The following PLCXD3 variants were observed in gnomAD, a reference collection of about 807,000 sequenced individuals.
The protein encoded by PLCXD3 is phosphatidylinositol specific phospholipase C X domain containing 3.
PLCXD3 carries 19 observed loss-of-function variants against 25.5 expected under a neutral mutation model. That is an observed-to-expected ratio of 0.75 (90% CI 0.52 to 1.09). The LOEUF (loss-of-function observed/expected upper bound fraction) is 1.09, where lower values mean the gene tolerates loss of function less well. PLCXD3 is among the 50% of genes least tolerant of loss of function. The pLI, the probability that PLCXD3 is intolerant of heterozygous loss-of-function variation, is 0.00. For missense variants in PLCXD3, 411 were observed against 388.1 expected (o/e 1.06, Z -0.50); for synonymous variants, 174 against 137.6 (o/e 1.26, Z -1.85).
In PLCXD3 at chr5:41,390,745, A is replaced by G. The variant is rs531798777; in HGVS notation, c.104-8211T>C. Among the ~76,000 whole-genome samples the G allele has an allele frequency of 2.0e-4, 30 of 152,290 alleles. No individual in the cohort carries two copies. In the South Asian group the frequency reaches 6.2e-3, roughly 32 times the overall value. On this transcript the variant is annotated intron_variant, in intron 1 of 2. Coordinates refer to ENST00000377801, the MANE Select transcript of PLCXD3 (RefSeq NM_001005473.3). ...GAAAAAAAAACAAAAACACCTTCAT[A>G]AGGAACAAAAATCAGATGACCACTC...
chr5:41,492,988 T>A (rs1188945684), intron 1 of PLCXD3, among the ~76,000 whole-genome samples: 1 of 152,244 alleles, frequency 6.6e-6, no homozygotes, highest in Non-Finnish European at 1.5e-5. Flanking sequence ...TGCGTTCCTT[T>A]GGAGGAGGAG....
intron 1 of PLCXD3, among the ~76,000 whole-genome samples, chr5:41,455,794 G>A (rs1747739230): frequency 2.0e-5 from 3 of 151,858 alleles, no homozygotes; most frequent in Admixed American, 2.0e-4. Flanking sequence ...AAGGCTTTAG[G>A]ATCATTATCA....
chr5:41,440,257 G>T (rs940367382), intron 1 of PLCXD3, among the ~76,000 whole-genome samples: 1 of 52,468 alleles, frequency 1.9e-5, no homozygotes. Flanking sequence ...TTTTTAGTCA[G>T]AGTCTCACTG....
intron 2 of PLCXD3, among the ~76,000 whole-genome samples, chr5:41,339,841 C>T (rs762159666): frequency 6.6e-6 from 1 of 152,068 alleles, no homozygotes; most frequent in East Asian, 1.9e-4. Context: ...TAAAATGCTT[C>T]CTCATAATAG....
intron 1 of PLCXD3, among the ~76,000 whole-genome samples, chr5:41,453,718 T>C (rs549183939): frequency 6.6e-6 from 1 of 152,120 alleles, no homozygotes; most frequent in African/African-American, 2.4e-5. Flanking sequence ...TTTATAAGCT[T>C]TCTCTGCCTA....
intron 1 of PLCXD3, among the ~76,000 whole-genome samples, chr5:41,395,653 G>A (rs111880156): frequency 0.043 from 6,592 of 152,066 alleles, 186 homozygotes; most frequent in Non-Finnish European, 0.061. Flanking sequence ...AAATTCAAAG[G>A]CTCATTAGCA....
chr5:41,415,291 G>T (rs1746667626), intron 1 of PLCXD3, among the ~76,000 whole-genome samples: 1 of 152,164 alleles, frequency 6.6e-6, no homozygotes, highest in South Asian at 2.1e-4. Flanking sequence ...AGACCTCCCA[G>T]AAGTTTTGTA....
At chr5:41,437,330 G>T (rs1041512749) in intron 1 of PLCXD3, among the ~76,000 whole-genome samples, 1 of 152,214 alleles carries the variant, frequency 6.6e-6, no homozygotes. Context: ...ATTCAAATAC[G>T]TGGTGATAGA....
intron 2 of PLCXD3, among the ~76,000 whole-genome samples, chr5:41,369,298 C>T (rs1179663428): frequency 6.6e-6 from 1 of 152,160 alleles, no homozygotes; most frequent in Non-Finnish European, 1.5e-5. Context: ...CATATGCTGT[C>T]TGTTAACAGA....
At chr5:41,436,258 G>A (rs1363826308) in intron 1 of PLCXD3, among the ~76,000 whole-genome samples, 1 of 151,784 alleles carries the variant, frequency 6.6e-6, no homozygotes, top group South Asian at 2.1e-4. Flanking sequence ...ATGTATCACT[G>A]AATGCCATCC....
At chr5:41,367,988 C>T (rs1744985739) in intron 2 of PLCXD3, among the ~76,000 whole-genome samples, 1 of 152,008 alleles carries the variant, frequency 6.6e-6, no homozygotes, top group Non-Finnish European at 1.5e-5. Flanking sequence ...TATTCTGTTC[C>T]ATTTTTCTAT....
chr5:41,424,217 T>TA (rs1746895232), intron 1 of PLCXD3, among the ~76,000 whole-genome samples: 1 of 152,190 alleles, frequency 6.6e-6, no homozygotes, highest in African/African-American at 2.4e-5. Flanking sequence ...TATTACTTTA[T>TA]ATATTTTTCT....
At chr5:41,401,524 T>C (rs1746185610) in intron 1 of PLCXD3, among the ~76,000 whole-genome samples, 2 of 152,096 alleles carry the variant, frequency 1.3e-5, no homozygotes, top group African/African-American at 2.4e-5. Context: ...GGCCTAGCTC[T>C]GGAATATCTA....
At chr5:41,314,575 C>T (rs1743233114) in intron 2 of PLCXD3, among the ~76,000 whole-genome samples, 1 of 152,018 alleles carries the variant, frequency 6.6e-6, no homozygotes, top group African/African-American at 2.4e-5. Flanking sequence ...TAATAGGCCT[C>T]AGTGATAAAG....
chr5:41,447,215 C>A (rs1207348230), intron 1 of PLCXD3, among the ~76,000 whole-genome samples: 4 of 152,142 alleles, frequency 2.6e-5, no homozygotes, highest in African/African-American at 9.6e-5. Flanking sequence ...AGTTGTTGCC[C>A]TTTTTTACTC....
intron 1 of PLCXD3, among the ~76,000 whole-genome samples, chr5:41,434,087 GC>G (rs1355008288): frequency 6.6e-6 from 1 of 152,180 alleles, no homozygotes; most frequent in African/African-American, 2.4e-5. Context: ...AGCAGGAAAT[GC>G]CCACACAGCT....
intron 1 of PLCXD3, among the ~76,000 whole-genome samples, chr5:41,423,042 C>T (rs1213652600): frequency 6.6e-6 from 1 of 151,998 alleles, no homozygotes; most frequent in Non-Finnish European, 1.5e-5. Context: ...TGAATATTAT[C>T]AAATGCCTTT....
At chr5:41,430,486 T>A (rs1747069627) in intron 1 of PLCXD3, among the ~76,000 whole-genome samples, 1 of 152,176 alleles carries the variant, frequency 6.6e-6, no homozygotes, top group African/African-American at 2.4e-5. Context: ...AATTTCCACA[T>A]CTTCTTCTGA....
chr5:41,433,666 CA>C (rs920844206), intron 1 of PLCXD3, among the ~76,000 whole-genome samples: 1 of 152,146 alleles, frequency 6.6e-6, no homozygotes, highest in African/African-American at 2.4e-5. Flanking sequence ...ACAAAAATGA[CA>C]GTAGAAATCA....
Sources: gnomAD v4.1 joint callset for allele counts (sites outside exome capture counted in the v4.1 genomes callset) on GRCh38, gnomAD v4.1.1 for gene constraint, MANE v1.5 for transcripts, NCBI Gene and HGNC (gene_info 2026-07-23, HGNC 2026-07-21) for gene names.